Variants in EZR observed in about 807,000 individuals in gnomAD.
EZR encodes cytovillin 2.
Under a neutral mutation model 74.8 loss-of-function variants are expected in EZR, and 40 were observed. The ratio of observed to expected loss-of-function variants is 0.53; its 90% confidence interval spans 0.42 to 0.70. EZR has a LOEUF of 0.70. EZR is among the 30% of genes least tolerant of loss of function. The pLI is 0.00. For synonymous variants in EZR, 341 were observed against 283.3 expected (o/e 1.20, Z -2.05); for missense variants, 678 against 755.8 (o/e 0.90, Z 1.21).
intron 2 of EZR, among the ~76,000 whole-genome samples, chr6:158,809,510 A>C (rs1415524556): frequency 3.3e-5 from 5 of 152,182 alleles, no homozygotes; most frequent in African/African-American, 1.2e-4. Flanking sequence ...CCACCCAAAC[A>C]CCAGCTTTGT....
intron 2 of EZR, among the ~76,000 whole-genome samples, chr6:158,809,489 TAC>T (rs1191297011): frequency 2.0e-5 from 3 of 152,228 alleles, no homozygotes; most frequent in Non-Finnish European, 2.9e-5. Flanking sequence ...CCACTTTCTC[TAC>T]ACAAAGACCC....
chr6:158,770,642 G>A (rs1341752362), intron 10 of EZR, 122 bp downstream of exon 10: 2 of 1,100,020 alleles, frequency 1.8e-6, no homozygotes, highest in East Asian at 2.3e-5. Context: ...TTTCGGCTGT[G>A]AGTCTGCGCT....
intron 12 of EZR, among the ~76,000 whole-genome samples, chr6:158,768,402 G>A (rs1790983930): frequency 6.6e-6 from 1 of 152,054 alleles, no homozygotes; most frequent in South Asian, 2.1e-4. Flanking sequence ...TGTGAGAACA[G>A]CCTAATACAG....
At chr6:158,772,125 T>G (rs1310410189) in intron 8 of EZR, among the ~76,000 whole-genome samples, 1 of 152,240 alleles carries the variant, frequency 6.6e-6, no homozygotes, top group Admixed American at 6.5e-5. Flanking sequence ...CTACAGGTAC[T>G]CGCCGCAGTG....
At chr6:158,790,669 A>G (rs1389221436) in intron 2 of EZR, among the ~76,000 whole-genome samples, 1 of 143,796 alleles carries the variant, frequency 7.0e-6, no homozygotes, top group Non-Finnish European at 1.5e-5. Flanking sequence ...GCAAGACTCC[A>G]TCTCAAAACA....
In EZR at chr6:158,803,614, T is replaced by C. The variant is rs1470284610; in HGVS notation, c.13-14243A>G. ...ATATATATATATATATACATATATA[T>C]ATATATATATACATATACATACATA... On this transcript the variant is annotated intron_variant, in intron 2 of 13. Transcript: ENST00000367075. Among the ~76,000 whole-genome samples, 15 of 17,180 alleles carry C rather than the reference T, an allele frequency of 8.7e-4. 2 individuals are homozygous for C. Among genetic ancestry groups the C allele is most frequent in the African/African-American group, 4.0e-3 (15 of 3,744 alleles). The allele number at this position is 17,180 out of a possible 152,430, so 11.3% of individuals were successfully genotyped here.
intron 2 of EZR, among the ~76,000 whole-genome samples, chr6:158,801,727 A>G (rs1377414189): frequency 6.6e-6 from 1 of 152,198 alleles, no homozygotes; most frequent in Non-Finnish European, 1.5e-5. Context: ...TAACCACTAT[A>G]ACCAGCACTC....
intron 2 of EZR, 71 bp downstream of exon 2, chr6:158,818,011 C>T: frequency 6.6e-7 from 1 of 1,519,824 alleles, no homozygotes; most frequent in Non-Finnish European, 9.0e-7. Context: ...TGCCCCAACA[C>T]CTCGAGCAGG....
intron 12 of EZR, among the ~76,000 whole-genome samples, chr6:158,768,970 C>T (rs1312024248): frequency 6.6e-6 from 1 of 152,140 alleles, no homozygotes; most frequent in Admixed American, 6.5e-5. Flanking sequence ...TTGCAAGGGG[C>T]ACATATATAA....
intron 2 of EZR, among the ~76,000 whole-genome samples, chr6:158,815,103 CCTAACATTCTTCG>C (rs1370329564): frequency 6.6e-6 from 1 of 152,276 alleles, no homozygotes; most frequent in African/African-American, 2.4e-5. Context: ...AAGAAAACCA[CCTAACATTCTTCG>C]CTAACATTCT....
At chr6:158,802,887 T>C (rs1431467431) in intron 2 of EZR, among the ~76,000 whole-genome samples, 5 of 152,138 alleles carry the variant, frequency 3.3e-5, no homozygotes, top group Non-Finnish European at 7.3e-5. Flanking sequence ...GAATACAGCA[T>C]CCAGCCCATG....
chr6:158,781,385 G>A (rs1562494815), intron 7 of EZR, among the ~76,000 whole-genome samples: 2 of 152,174 alleles, frequency 1.3e-5, no homozygotes, highest in African/African-American at 4.8e-5. Flanking sequence ...ATCTGAGAGA[G>A]TTGCCACGTT....
intron 2 of EZR, among the ~76,000 whole-genome samples, chr6:158,802,692 C>T (rs928274069): frequency 1.3e-5 from 2 of 151,352 alleles, no homozygotes; most frequent in Non-Finnish European, 2.9e-5. Context: ...CCACCACGCC[C>T]AGCTAATTTT....
intron 2 of EZR, among the ~76,000 whole-genome samples, chr6:158,799,934 G>A (rs1473896530): frequency 6.6e-6 from 1 of 152,160 alleles, no homozygotes; most frequent in Non-Finnish European, 1.5e-5. Context: ...GAACAATGCT[G>A]CTCCCAGTAA....
At chr6:158,789,674 C>T in intron 2 of EZR, 2 of 491,742 alleles carry the variant, frequency 4.1e-6, no homozygotes, top group South Asian at 3.1e-5. Context: ...AGCTGGAGTG[C>T]AGTGGCACGA....
chr6:158,810,273 T>C (rs1777426017), intron 2 of EZR, among the ~76,000 whole-genome samples: 1 of 152,008 alleles, frequency 6.6e-6, no homozygotes, highest in South Asian at 2.1e-4. Flanking sequence ...TGCCTGTAAG[T>C]GTTAAGAACG....
chr6:158,782,087 C>A (rs74383685), intron 7 of EZR, among the ~76,000 whole-genome samples: 2,435 of 152,264 alleles, frequency 0.016, 54 homozygotes, highest in African/African-American at 0.055. Context: ...AATGCTGCAT[C>A]CAGCACACTT....
At chr6:158,772,539 G>A (rs759516408) in intron 8 of EZR, among the ~76,000 whole-genome samples, 2 of 152,212 alleles carry the variant, frequency 1.3e-5, no homozygotes, top group Admixed American at 6.5e-5. Context: ...ACCACAACCA[G>A]AGGAGCCTCC....
intron 2 of EZR, among the ~76,000 whole-genome samples, chr6:158,810,431 T>TAC (rs1313439902): frequency 6.6e-6 from 1 of 152,206 alleles, no homozygotes; most frequent in East Asian, 1.9e-4. Flanking sequence ...TATCATGCAC[T>TAC]ACACTGCATT....
Sources: allele counts gnomAD v4.1 joint callset (sites outside exome capture counted in the v4.1 genomes callset), GRCh38; gene constraint gnomAD v4.1.1; transcripts MANE v1.5; gene names NCBI Gene and HGNC (gene_info 2026-07-23, HGNC 2026-07-21).